The following TSHZ1 variants were observed in gnomAD, a reference collection of about 807,000 sequenced individuals.
TSHZ1 encodes teashirt homolog 1.
A neutral mutation model predicts 67.1 loss-of-function variants in TSHZ1; 12 were observed. That is an observed-to-expected ratio of 0.18 (90% CI 0.11 to 0.29). The LOEUF is 0.29. Among genes scored for constraint, TSHZ1 ranks in the 10% least tolerant of loss-of-function variants. The probability of loss-of-function intolerance (pLI) is 1.00; values close to 1 mark genes in which losing one functional copy is unlikely to be tolerated. For missense variants in TSHZ1, 1,305 were observed against 1,413.9 expected (o/e 0.92, Z 1.23); for synonymous variants, 632 against 622.4 (o/e 1.02, Z -0.23).
At position 75,287,426 on chromosome 18, in the gene TSHZ1, A is replaced by G. The variant is rs2023791121; in HGVS notation, c.2019A>G (p.Ile673Met). The change falls in exon 2 of 2, where the codon ATA becomes ATG. Residue 673 changes from isoleucine (I) to methionine (M), a missense_variant. This residue lies in a region of TSHZ1 where 909 missense variants were observed against 961.8 expected (regional missense o/e 0.95). Transcript: ENST00000580243. The surrounding 1 kb of genome is among the most constrained non-coding windows in gnomAD (Gnocchi z 5.0). ...KSSLAKAASP[I>M]AKENKDFPKT... is the part of the protein sequence containing the mutation. ...CCCTGGCCAAGGCTGCGTCCCCCAT[A>G]GCAAAAGAGAATAAAGATTTCCCGA... 1.9e-6 allele frequency: 3 copies of G among 1,614,060 alleles called. No homozygotes were observed. The highest frequency in any genetic ancestry group is 1.7e-6 in the Non-Finnish European group (2 of 1,180,034).
At chr18:75,278,448 G>A (rs570043798) in intron 1 of TSHZ1, among the ~76,000 whole-genome samples, 14 of 152,272 alleles carry the variant, frequency 9.2e-5, no homozygotes, top group South Asian at 4.2e-4. Flanking sequence ...ACTCCTGGCC[G>A]CCTTCTCCCC....
At chr18:75,280,436 A>T (rs2023670688) in intron 1 of TSHZ1, among the ~76,000 whole-genome samples, 1 of 152,242 alleles carries the variant, frequency 6.6e-6, no homozygotes. Flanking sequence ...TAAATACTTA[A>T]TACAGAGTTA....
intron 1 of TSHZ1, among the ~76,000 whole-genome samples, chr18:75,218,859 AGT>A (rs1174252508): frequency 2.0e-5 from 3 of 152,240 alleles, no homozygotes; most frequent in African/African-American, 7.2e-5. Context: ...ACCACAAGAG[AGT>A]AGTCAGTCAA....
intron 1 of TSHZ1, among the ~76,000 whole-genome samples, chr18:75,215,858 A>C (rs1035059712): frequency 1.3e-5 from 2 of 152,098 alleles, no homozygotes; most frequent in African/African-American, 4.8e-5. Context: ...GCATGTATTT[A>C]CATGTGTTCC....
At position 75,217,639 on chromosome 18, in the gene TSHZ1, C is replaced by T. The variant is rs529705197; in HGVS notation, c.40+5723C>T. Among the ~76,000 whole-genome samples, 83 of 152,324 alleles carry T rather than the reference C, an allele frequency of 5.4e-4. 1 individual carries two copies. The highest frequency in any genetic ancestry group is 1.9e-3 in the African/African-American group (81 of 41,580). ...GGTTGTGCCTTTGTTGGGCTGCGTT[C>T]GCTCTTGCTAGACCGCAACTTTAAT... On this transcript the variant is annotated intron_variant, in intron 1 of 1. Coordinates refer to ENST00000580243, the MANE Select transcript of TSHZ1 (RefSeq NM_001308210.2).
Position 75,286,552 on chromosome 18 carries a change from A to T in TSHZ1, c.1145A>T (p.Asp382Val), listed in dbSNP as rs770781498. 2 of 1,614,196 alleles carry T rather than the reference A, an allele frequency of 1.2e-6. No homozygotes were observed. The highest frequency in any genetic ancestry group is 2.2e-5 in the South Asian group (2 of 91,074). Residue 382 changes from aspartate (D) to valine (V), a missense_variant, in exon 2 of 2, where the codon GAT becomes GTT. Physicochemically the swap from Asp to Val is radical, Grantham distance 152 (BLOSUM62 -3). Transcript: ENST00000580243. The surrounding 1 kb of genome is among the most constrained non-coding windows in gnomAD (Gnocchi z 5.1). ...GTGGCCCTGAGTGAGTCAGCCAAGG[A>T]TCAGAAAGCAGCGAACCCGTACGTC... ...AEVALSESAK[D>V]QKAANPYVTP...
chr18:75,256,927 C>A (rs1182052768), intron 1 of TSHZ1, among the ~76,000 whole-genome samples: 1 of 152,130 alleles, frequency 6.6e-6, no homozygotes, highest in Non-Finnish European at 1.5e-5. Flanking sequence ...TTTGGTATTT[C>A]AGATGAAGTA....
At chr18:75,232,440 G>C (rs902487263) in intron 1 of TSHZ1, among the ~76,000 whole-genome samples, 1 of 152,160 alleles carries the variant, frequency 6.6e-6, no homozygotes, top group African/African-American at 2.4e-5. Context: ...AAGATGTTTT[G>C]CATGTATTTT....
rs1340364608 is a variant in TSHZ1 at position 75,285,975 on chromosome 18, A to T, written c.568A>T (p.Ser190Cys). Residue 190 changes from serine (S) to cysteine (C), a missense_variant, in exon 2 of 2, where the codon AGT becomes TGT. Physicochemically the swap from Ser to Cys is moderately radical, Grantham distance 112 (BLOSUM62 -1). This residue lies in a region of TSHZ1 where 358 missense variants were observed against 375.6 expected (regional missense o/e 0.95). Transcript: ENST00000580243. ...SSSTSHSSTT[S>C]TSSSSGYDWH... ...CAGCACCAGCCACAGCAGTACCACC[A>T]GTACCAGCAGCAGCTCCGGGTACGA... 1 of 1,590,784 alleles carries T rather than the reference A, an allele frequency of 6.3e-7. No homozygotes were observed. Among genetic ancestry groups the T allele is most frequent in the Non-Finnish European group, 8.5e-7 (1 of 1,170,292 alleles).
At chr18:75,231,080 T>A (rs1345092501) in intron 1 of TSHZ1, among the ~76,000 whole-genome samples, 3 of 152,106 alleles carry the variant, frequency 2.0e-5, no homozygotes, top group African/African-American at 7.2e-5. Context: ...GTGGGTGGCA[T>A]GTGAGGAGAT....
Position 75,230,356 on chromosome 18 carries a change from C to T in TSHZ1, c.40+18440C>T, listed in dbSNP as rs191274990. Among the ~76,000 whole-genome samples the T allele has an allele frequency of 6.4e-3, 968 of 152,174 alleles. 13 individuals are homozygous for T. The highest frequency in any genetic ancestry group is 0.022 in the African/African-American group (926 of 41,504). ...TGCTGGAGCAGCGTGTTCCTAGGAG[C>T]GCACCTTACGGAGGGTCCTGAGTGC... On this transcript the variant is annotated intron_variant, in intron 1 of 1. Transcript: ENST00000580243.
At chr18:75,260,993 G>A (rs1195829929) in intron 1 of TSHZ1, among the ~76,000 whole-genome samples, 5 of 152,058 alleles carry the variant, frequency 3.3e-5, no homozygotes, top group East Asian at 1.9e-4. Flanking sequence ...TGTGGATCTC[G>A]GCCAGGAGGA....
At chr18:75,242,531 A>T (rs545619231) in intron 1 of TSHZ1, among the ~76,000 whole-genome samples, 1 of 152,370 alleles carries the variant, frequency 6.6e-6, no homozygotes, top group East Asian at 1.9e-4. Context: ...GTCATTCTGA[A>T]TACATTTCCA....
intron 1 of TSHZ1, among the ~76,000 whole-genome samples, chr18:75,219,534 G>C (rs1227058192): frequency 6.6e-6 from 1 of 152,178 alleles, no homozygotes; most frequent in Non-Finnish European, 1.5e-5. Context: ...AGGTTAAATC[G>C]GAAGTAGTTC....
Position 75,271,591 on chromosome 18 carries a change from G to A in TSHZ1, c.41-13857G>A, listed in dbSNP as rs193125487. On this transcript the variant is annotated intron_variant, in intron 1 of 1. Transcript: ENST00000580243. ...TCACCTGTCTAGGTGAGTTGTGCCC[G>A]TGCCTATCTGAAGTGACAGCCATCT... is the stretch of plus-strand genomic sequence containing the variant. Among the ~76,000 whole-genome samples the A allele has an allele frequency of 5.3e-4, 81 of 152,242 alleles. 1 individual carries two copies. In the East Asian group the frequency reaches 5.6e-3, roughly 11 times the overall value.
intron 1 of TSHZ1, among the ~76,000 whole-genome samples, chr18:75,276,595 T>C (rs759852145): frequency 1.3e-5 from 2 of 152,240 alleles, no homozygotes; most frequent in Non-Finnish European, 2.9e-5. Flanking sequence ...GATTCTACAA[T>C]GAATCGAAGC....
At position 75,288,612 on chromosome 18, in the gene TSHZ1, A is replaced by G; in HGVS notation, c.3205A>G (p.Ile1069Val). 6.2e-7 allele frequency: 1 copy of G among 1,606,304 alleles called. No homozygotes were observed. The highest frequency in any genetic ancestry group is 8.5e-7 in the Non-Finnish European group (1 of 1,176,552). Residue 1069 changes from isoleucine (I) to valine (V), a missense_variant, in exon 2 of 2, where the codon ATC becomes GTC. Around this residue, in one of 3 missense-constraint regions of TSHZ1, gnomAD observed 909 missense variants for 961.8 expected, o/e 0.95. Transcript: ENST00000580243. The surrounding 1 kb of genome is among the most constrained non-coding windows in gnomAD (Gnocchi z 4.9). ...CGGCAAGTCTCCCGAGGACCACCTG[A>G]TCTATGTGACTGAGTTGGAGAAACA... ...THGKSPEDHL[I>V]YVTELEKQ
chr18:75,280,515 CAAAAG>C lies in TSHZ1; in HGVS notation c.41-4928_41-4924del, dbSNP rs560657736. On this transcript the variant is annotated intron_variant, in intron 1 of 1. Transcript: ENST00000580243. ...CTCTGGCATTTAGATGTTAATGAGA[CAAAAG>C]AAAATAACTTGATCCCGATAGTGGC... Among the ~76,000 whole-genome samples the C allele has an allele frequency of 3.3e-5, 5 of 152,236 alleles. No homozygotes were observed. In the South Asian group the frequency reaches 1.0e-3, roughly 32 times the overall value.
Position 75,240,777 on chromosome 18 carries a change from T to G in TSHZ1, c.40+28861T>G, listed in dbSNP as rs549627054. On this transcript the variant is annotated intron_variant, in intron 1 of 1. Coordinates refer to ENST00000580243, the MANE Select transcript of TSHZ1 (RefSeq NM_001308210.2). ...GAGGGTTTCCTCTTCTCCTGTACCATAAGGTACTTCAACAAAAGGATCCCA... is the reference window on the plus strand; with the variant it reads ...GAGGGTTTCCTCTTCTCCTGTACCAGAAGGTACTTCAACAAAAGGATCCCA... Among the ~76,000 whole-genome samples the G allele has an allele frequency of 3.4e-4, 52 of 152,324 alleles. 1 individual carries two copies. The highest frequency in any genetic ancestry group is 1.0e-3 in the African/African-American group (43 of 41,572).
Sources: allele counts gnomAD v4.1 joint callset (sites outside exome capture counted in the v4.1 genomes callset), GRCh38; gene constraint gnomAD v4.1.1; regional missense constraint gnomAD v4.1.1; non-coding constraint Gnocchi (gnomAD v3.1); transcripts MANE v1.5; gene names NCBI Gene and HGNC (gene_info 2026-07-23, HGNC 2026-07-21).